The following NCOR2 variants were observed in gnomAD, a reference collection of about 807,000 sequenced individuals.
NCOR2 encodes CTG repeat protein 26.
NCOR2 carries 81 observed loss-of-function variants against 262.9 expected under a neutral mutation model. The observed-to-expected ratio is 0.31, with a 90% CI of 0.26 to 0.37. The LOEUF is 0.37. NCOR2 is among the 10% of genes least tolerant of loss of function. The probability of loss-of-function intolerance (pLI) is 1.00; values close to 1 mark genes in which losing one functional copy is unlikely to be tolerated. For missense variants in NCOR2, 3,385 were observed against 3,621.4 expected (o/e 0.93, Z 1.68); for synonymous variants, 1,659 against 1,559.3 (o/e 1.06, Z -1.51).
chr12:124,347,901 GC>G lies in NCOR2; in HGVS notation c.3995del (p.Gly1332AlafsTer47). 1 of 1,561,860 alleles carries G rather than the reference GC, an allele frequency of 6.4e-7. No individual in the cohort carries two copies. Among genetic ancestry groups the G allele is most frequent in the Non-Finnish European group, 8.7e-7 (1 of 1,152,400 alleles). ...TGTGTCGCTCCGGCGGGATGGCACG[GC>G]CCATGAGACCTGGGTAGGAGAGGGT... On this transcript the variant is annotated frameshift_variant, in exon 30 of 47. Coordinates refer to ENST00000405201, the Ensembl canonical transcript of NCOR2. LOFTEE classifies it high-confidence loss of function.
At chr12:124,405,746 CT>C (rs1215738775) in intron 13 of NCOR2, among the ~76,000 whole-genome samples, 12 of 152,292 alleles carry the variant, frequency 7.9e-5, no homozygotes, top group African/African-American at 2.6e-4. Context: ...ACAACTCCCC[CT>C]GAGGAGCTGG....
At chr12:124,368,620 T>C (rs2039227979) in intron 20 of NCOR2, among the ~76,000 whole-genome samples, 1 of 152,242 alleles carries the variant, frequency 6.6e-6, no homozygotes, top group Non-Finnish European at 1.5e-5. Context: ...CATACGCTCA[T>C]GCGGCCACAG....
intron 1 of NCOR2, among the ~76,000 whole-genome samples, chr12:124,518,571 G>A (rs1296305992): frequency 6.6e-6 from 1 of 152,256 alleles, no homozygotes; most frequent in Non-Finnish European, 1.5e-5. Flanking sequence ...GCCACTCTGG[G>A]CCTATAAACA....
chr12:124,439,540 G>A (rs999887981), intron 7 of NCOR2, among the ~76,000 whole-genome samples: 29 of 151,874 alleles, frequency 1.9e-4, no homozygotes, highest in Admixed American at 1.4e-3. Flanking sequence ...GAGACCCAGA[G>A]AGGGAAACAG....
intron 24 of NCOR2, 176 bp downstream of exon 26, chr12:124,355,256 G>C (rs1216225256): frequency 1.4e-6 from 1 of 729,598 alleles, no homozygotes; most frequent in East Asian, 2.7e-5. Flanking sequence ...TGACCCCCCA[G>C]GGACGAGGCC....
rs1594073525 is a variant in NCOR2, at chr12:124,558,366, A to C, written c.-165+8942T>G. Among the ~76,000 whole-genome samples, 7 of 150,882 alleles carry C rather than the reference A, an allele frequency of 4.6e-5. No homozygotes were observed. In the South Asian group the frequency reaches 1.5e-3, roughly 32 times the overall value. On this transcript the variant is annotated intron_variant, in intron 1 of 32. Coordinates refer to the NCOR2 transcript ENST00000458234. ...ACAGGTGGGCAGATGGGGGGCGTGC[A>C]GGCCTCCTTGGCTGTAAGAAGGATT...
rs1293810657 is a variant in NCOR2, at chr12:124,378,086, G to GGCCC, written c.2167+147_2167+150dup. ...TTACTGGTGAGTTTCTGGCAAGTCAGGCCCGCACCTTCCAGGGAGTCGAGG... is the reference window on the plus strand; with the variant it reads ...TTACTGGTGAGTTTCTGGCAAGTCAGGCCCGCCCGCACCTTCCAGGGAGTCGAGG... On this transcript the variant is annotated intron_variant, in intron 18 of 46. Coordinates refer to ENST00000405201, the Ensembl canonical transcript of NCOR2. This position sits in a 1 kb window ranked among gnomAD's most constrained non-coding sequence, Gnocchi z 4.2. 2 of 1,463,476 alleles carry GGCCC rather than the reference G, an allele frequency of 1.4e-6. No homozygotes were observed. The highest frequency in any genetic ancestry group is 2.8e-5 in the African/African-American group (2 of 70,660). The allele number at this position is 1,463,476 out of a possible 1,614,324, so 90.7% of individuals were successfully genotyped here.
At chr12:124,476,902 TAAA>T (rs60593594) in intron 3 of NCOR2, among the ~76,000 whole-genome samples, 1 of 142,504 alleles carries the variant, frequency 7.0e-6, no homozygotes, top group African/African-American at 2.7e-5. Context: ...CCATCTTTAT[TAAA>T]AAAAAAAAAA....
chr12:124,341,719 A>G, intron 34 of NCOR2, 104 bp downstream of exon 36: 1 of 1,498,282 alleles, frequency 6.7e-7, no homozygotes. Context: ...AAGGTGACCC[A>G]CAAGGTGACC....
At position 124,486,366 on chromosome 12, in the gene NCOR2, G is replaced by A. The variant is rs868059358; in HGVS notation, c.233+75C>T. ...ACAGGACCCTGTGTGCTCCTGCTCT[G>A]CCACGGGCCTCTGCTTCTCCATCTG... On this transcript the variant is annotated intron_variant, in intron 2 of 46. Transcript: ENST00000405201. 4.4e-5 allele frequency: 70 copies of A among 1,581,152 alleles called. No homozygotes were observed. In the African/African-American group the frequency reaches 7.9e-4, roughly 18 times the overall value.
intron 1 of NCOR2, among the ~76,000 whole-genome samples, chr12:124,505,569 C>T (rs926132891): frequency 2.0e-5 from 3 of 152,328 alleles, no homozygotes; most frequent in South Asian, 2.1e-4. Context: ...AGGGCTCCCA[C>T]GTGCTGATCA....
intron 26 of NCOR2, 136 bp downstream of exon 28, chr12:124,354,341 TG>T: frequency 1.8e-6 from 2 of 1,138,194 alleles, no homozygotes; most frequent in Non-Finnish European, 2.5e-6. Flanking sequence ...CCCTAAATGG[TG>T]AGGGAGACAG....
At chr12:124,364,021 G>A (rs962181410) in intron 20 of NCOR2, among the ~76,000 whole-genome samples, 3 of 152,282 alleles carry the variant, frequency 2.0e-5, no homozygotes, top group South Asian at 2.1e-4. Flanking sequence ...ACGAGTGGGC[G>A]GGCAAGTGCC....
intron 37 of NCOR2, 102 bp downstream of exon 39, chr12:124,339,904 C>CCCCACCCCAAAAACA: frequency 1.3e-6 from 1 of 776,828 alleles, no homozygotes; most frequent in Non-Finnish European, 2.0e-6. Flanking sequence ...CCCACCCACC[C>CCCCACCCCAAAAACA]ACCTCCCATA....
At position 124,482,391 on chromosome 12, in the gene NCOR2, C is replaced by T. The variant is rs905728596; in HGVS notation, c.411+1205G>A. 4.6e-5 allele frequency among the ~76,000 whole-genome samples: 7 copies of T among 152,184 alleles called. No homozygotes were observed. Among genetic ancestry groups the T allele is most frequent in the African/African-American group, 1.7e-4 (7 of 41,448 alleles). ...CACCTCCTGCCAGCCCAAGCCCACCCCAGGGATATCCCAGGTTCCACGCAG... is the reference window on the plus strand; with the variant it reads ...CACCTCCTGCCAGCCCAAGCCCACCTCAGGGATATCCCAGGTTCCACGCAG... On this transcript the variant is annotated intron_variant, in intron 3 of 46. Transcript: ENST00000405201. The surrounding 1 kb of genome is among the most constrained non-coding windows in gnomAD (Gnocchi z 6.3).
chr12:124,524,412 G>A (rs975133433), intron 1 of NCOR2, among the ~76,000 whole-genome samples: 6 of 152,106 alleles, frequency 3.9e-5, no homozygotes, highest in African/African-American at 9.7e-5. Context: ...AACAAATGTC[G>A]AGGACCTCAC....
At chr12:124,429,532 G>A (rs2043795303) in intron 10 of NCOR2, 81 bp downstream of exon 12, 9 of 1,443,080 alleles carry the variant, frequency 6.2e-6, no homozygotes, top group Admixed American at 4.0e-5. Context: ...CCCGGGAGGT[G>A]GTTTCTGGCT....
chr12:124,492,512 T>C (rs927552445), intron 1 of NCOR2, among the ~76,000 whole-genome samples: 2 of 151,858 alleles, frequency 1.3e-5, no homozygotes, highest in Non-Finnish European at 2.9e-5. Flanking sequence ...GGAGTATGCG[T>C]GGAGGTGACC....
At chr12:124,561,319 A>G (rs1475390862) in intron 1 of NCOR2, among the ~76,000 whole-genome samples, 1 of 152,190 alleles carries the variant, frequency 6.6e-6, no homozygotes, top group Non-Finnish European at 1.5e-5. Flanking sequence ...AAATTTATTA[A>G]AAGTAAAAAC....
Sources: gnomAD v4.1 joint callset for allele counts (sites outside exome capture counted in the v4.1 genomes callset) on GRCh38, gnomAD v4.1.1 for gene constraint, Gnocchi (gnomAD v3.1) non-coding constraint, MANE v1.5 for transcripts, NCBI Gene and HGNC (gene_info 2026-07-23, HGNC 2026-07-21) for gene names.